The following PLCB4 variants were observed in gnomAD, a reference collection of about 807,000 sequenced individuals.
The protein encoded by PLCB4 is 1-phosphatidylinositol 4,5-bisphosphate phosphodiesterase beta-4.
In PLCB4, 77 loss-of-function variants were observed where a neutral mutation model predicts 178.8. The ratio of observed to expected loss-of-function variants is 0.43; its 90% CI spans 0.36 to 0.52. The LOEUF (loss-of-function observed/expected upper bound fraction) is 0.52, where lower values mean the gene tolerates loss of function less well. PLCB4 is among the 20% of genes least tolerant of loss of function. PLCB4 has a pLI of 0.00. For missense variants in PLCB4, 1,024 were observed against 1,453.4 expected (o/e 0.70, Z 4.80); for synonymous variants, 496 against 490.8 (o/e 1.01, Z -0.14).
chr20:9,199,731 A>G (rs2147180972), intron 2 of PLCB4, among the ~76,000 whole-genome samples: 1 of 152,322 alleles, frequency 6.6e-6, no homozygotes, highest in South Asian at 2.1e-4. Context: ...ATGAACAAAA[A>G]TTGGTATTCT....
intron 2 of PLCB4, among the ~76,000 whole-genome samples, chr20:9,116,990 GGTTGGTGTATACGAAAGC>G (rs2091802680): frequency 6.6e-6 from 1 of 152,106 alleles, no homozygotes; most frequent in African/African-American, 2.4e-5. Context: ...AATTCATTGT[GGTTGGTGTATACGAAAGC>G]GTTGGTTTTT....
intron 3 of PLCB4, among the ~76,000 whole-genome samples, chr20:9,301,836 G>GC (rs1601709344): frequency 6.6e-6 from 1 of 152,008 alleles, no homozygotes; most frequent in Non-Finnish European, 1.5e-5. Context: ...TTTTTCCTCT[G>GC]CCCTAGTGCA....
At chr20:9,210,361 C>T (rs776598256) in intron 2 of PLCB4, among the ~76,000 whole-genome samples, 3 of 151,978 alleles carry the variant, frequency 2.0e-5, no homozygotes, top group African/African-American at 4.8e-5. Flanking sequence ...TACTGCATGA[C>T]GGCAAAGAAA....
At chr20:9,109,480 T>G (rs2091496883) in intron 2 of PLCB4, among the ~76,000 whole-genome samples, 2 of 152,042 alleles carry the variant, frequency 1.3e-5, no homozygotes, top group African/African-American at 2.4e-5. Flanking sequence ...TTTTTTTTTT[T>G]TCGTAATGGC....
At chr20:9,318,778 G>A (rs554754697) in intron 4 of PLCB4, among the ~76,000 whole-genome samples, 39 of 152,338 alleles carry the variant, frequency 2.6e-4, no homozygotes, top group African/African-American at 8.9e-4. Context: ...AGTTTCATAA[G>A]GAACTAGCTG....
intron 36 of PLCB4, among the ~76,000 whole-genome samples, chr20:9,471,778 C>A (rs911721901): frequency 1.4e-4 from 21 of 152,098 alleles, no homozygotes; most frequent in African/African-American, 4.6e-4. Context: ...AAGGGTAACA[C>A]CCAGACACTG....
chr20:9,426,952 C>T (rs949682361), intron 28 of PLCB4, among the ~76,000 whole-genome samples: 3 of 151,960 alleles, frequency 2.0e-5, no homozygotes, highest in African/African-American at 4.8e-5. Flanking sequence ...TGGCCAGGCG[C>T]GGTGGCTCAT....
At chr20:9,170,642 A>G (rs953846295) in intron 2 of PLCB4, among the ~76,000 whole-genome samples, 10 of 152,220 alleles carry the variant, frequency 6.6e-5, no homozygotes, top group Non-Finnish European at 8.8e-5. Flanking sequence ...CTTCTTCAGA[A>G]ACAGAAAGCT....
At chr20:9,401,665 C>A in intron 20 of PLCB4, 75 bp downstream of exon 20, 1 of 956,144 alleles carries the variant, frequency 1.0e-6, no homozygotes, top group Non-Finnish European at 1.7e-6. Context: ...ATGTGAGAAC[C>A]ACAAGAGAAT....
chr20:9,227,315 A>C (rs2093879232), intron 3 of PLCB4, among the ~76,000 whole-genome samples: 1 of 152,082 alleles, frequency 6.6e-6, no homozygotes, highest in South Asian at 2.1e-4. Context: ...TTTGACAGTC[A>C]AATGTATCTA....
chr20:9,315,994 T>C (rs2094894781), intron 4 of PLCB4, among the ~76,000 whole-genome samples: 1 of 151,772 alleles, frequency 6.6e-6, no homozygotes, highest in Non-Finnish European at 1.5e-5. Context: ...GGAAAAGCAT[T>C]CCAAGACATG....
At chr20:9,191,880 G>GTT (rs11475371) in intron 2 of PLCB4, among the ~76,000 whole-genome samples, 6 of 140,698 alleles carry the variant, frequency 4.3e-5, no homozygotes, top group African/African-American at 1.3e-4. Context: ...CATTCTGTAT[G>GTT]TTTTTTTTTT....
Position 9,462,010 on chromosome 20 carries a change from C to T in PLCB4, c.3248+2200C>T, listed in dbSNP as rs544773674. On this transcript the variant is annotated intron_variant, in intron 35 of 39. Coordinates refer to ENST00000378473, the MANE Select transcript of PLCB4 (RefSeq NM_001377142.1). ...CTGGGAGACACCACCAAGCAGGGGC[C>T]GACAGACACCTCATATAGGTGGGTG... Among the ~76,000 whole-genome samples the T allele has an allele frequency of 9.9e-5, 15 of 152,176 alleles. No individual in the cohort carries two copies. In the East Asian group the frequency reaches 2.5e-3, roughly 26 times the overall value.
chr20:9,326,521 A>G (rs2030598887), intron 4 of PLCB4, among the ~76,000 whole-genome samples: 1 of 152,138 alleles, frequency 6.6e-6, no homozygotes, highest in African/African-American at 2.4e-5. Context: ...CAGCAGGTTT[A>G]CCACCTTTTG....
chr20:9,149,606 A>G (rs1344957958), intron 2 of PLCB4, among the ~76,000 whole-genome samples: 1 of 151,574 alleles, frequency 6.6e-6, no homozygotes, highest in Non-Finnish European at 1.5e-5. Flanking sequence ...TTTAAGCAAT[A>G]GAGCACAGTG....
At chr20:9,334,595 G>GT (rs2032183698) in intron 4 of PLCB4, among the ~76,000 whole-genome samples, 1 of 152,006 alleles carries the variant, frequency 6.6e-6, no homozygotes, top group African/African-American at 2.4e-5. Context: ...AATAGACTTC[G>GT]TTTTTTGGCC....
At chr20:9,168,575 T>C (rs1425653628) in intron 2 of PLCB4, among the ~76,000 whole-genome samples, 1 of 152,208 alleles carries the variant, frequency 6.6e-6, no homozygotes, top group Non-Finnish European at 1.5e-5. Context: ...GATTCTGCAT[T>C]GCTAACAGGC....
chr20:9,077,669 T>TG (rs1271726972), intron 1 of PLCB4, among the ~76,000 whole-genome samples: 1 of 152,232 alleles, frequency 6.6e-6, no homozygotes, highest in Admixed American at 6.5e-5. Flanking sequence ...CTGATCAATT[T>TG]GGTGAGCTGT....
chr20:9,212,514 T>G (rs1202001526), intron 2 of PLCB4, among the ~76,000 whole-genome samples: 1 of 152,206 alleles, frequency 6.6e-6, no homozygotes, highest in African/African-American at 2.4e-5. Flanking sequence ...CTCTGAGAAA[T>G]AAAAGCTTCA....
Sources: allele counts gnomAD v4.1 joint callset (sites outside exome capture counted in the v4.1 genomes callset), GRCh38; gene constraint gnomAD v4.1.1; transcripts MANE v1.5; gene names NCBI Gene and HGNC (gene_info 2026-07-23, HGNC 2026-07-21).